Variants in PSMG1 observed in about 807,000 individuals in gnomAD.
PSMG1 encodes the protein proteasome assembly chaperone 1, also known as Down syndrome critical region gene 2.
PSMG1 carries 23 observed loss-of-function variants against 37.2 expected under a neutral mutation model. The observed-to-expected ratio is 0.62, with a 90% CI of 0.44 to 0.88. The LOEUF (loss-of-function observed/expected upper bound fraction) is 0.88, where lower values mean the gene tolerates loss of function less well. PSMG1 is among the 40% of genes least tolerant of loss of function. The pLI is 0.00. For synonymous variants in PSMG1, 127 were observed against 128.0 expected, an observed-to-expected ratio of 0.99 and a Z score of 0.05; for missense variants, 340 against 344.2, an observed-to-expected ratio of 0.99 and a Z score of 0.10.
chr21:39,179,884 C>G, intron 4 of PSMG1, 40 bp downstream of exon 4: 1 of 1,586,686 alleles, frequency 6.3e-7, no homozygotes, highest in Non-Finnish European at 8.6e-7. Flanking sequence ...ATGAAAACTC[C>G]TGTAGACTAA....
In PSMG1 at chr21:39,181,815, A is replaced by C. The variant is rs1344877314; in HGVS notation, c.198T>G (p.Tyr66Ter). 6.3e-7 allele frequency: 1 copy of C among 1,596,006 alleles called. No individual in the cohort carries two copies. Among genetic ancestry groups the C allele is most frequent in the Non-Finnish European group, 8.5e-7 (1 of 1,174,086 alleles). ...TSLEVSLLEK[Y>*]PCSKFIIAIG... Reference sequence around the variant, plus strand: ...TAGCAATTATAAACTTGGAGCACGGATATTTTTCTAGCAAAGAAACTTCCA... The same window carrying C: ...TAGCAATTATAAACTTGGAGCACGGCTATTTTTCTAGCAAAGAAACTTCCA... Residue 66 changes from tyrosine to a stop codon, truncating the protein, a stop_gained, in exon 2 of 7, where the codon TAT becomes TAG. Transcript: ENST00000331573. LOFTEE classifies it high-confidence loss of function.
Position 39,175,619 on chromosome 21 carries a change from T to C in PSMG1, c.838A>G (p.Asn280Asp), listed in dbSNP as rs2030599191. The C allele has an allele frequency of 6.3e-7, 1 of 1,594,676 alleles. No homozygotes were observed. Among genetic ancestry groups the C allele is most frequent in the Non-Finnish European group, 8.6e-7 (1 of 1,162,522 alleles). Reference sequence around the variant, plus strand: ...GTATAAATGTTACTCTGAATCTCATTTGTTGTCATCAATTTCTTTAGTATC... The same window carrying C: ...GTATAAATGTTACTCTGAATCTCATCTGTTGTCATCAATTTCTTTAGTATC... ...TEILKKLMTT[N>D]EIQSNIYT Residue 280 changes from asparagine to aspartate, a missense_variant, in exon 7 of 7, where the codon AAT becomes GAT. By Grantham distance (23) the Asn-to-Asp change is conservative (BLOSUM62 1). Transcript: ENST00000331573.
intron 3 of PSMG1, 134 bp downstream of exon 3, chr21:39,180,151 C>A: frequency 7.9e-7 from 1 of 1,261,704 alleles, no homozygotes; most frequent in South Asian, 1.5e-5. Context: ...CAAACCACTA[C>A]TGGTGATTAG....
intron 1 of PSMG1, chr21:39,183,049 G>C (rs768072423): frequency 1.0e-4 from 61 of 598,966 alleles, no homozygotes; most frequent in Non-Finnish European, 1.4e-4. Flanking sequence ...AGATCCACGC[G>C]AGAACCACAC....
In PSMG1 at chr21:39,181,841, A is replaced by G; in HGVS notation, c.172T>C (p.Leu58=). ...RLLRRQTKTS[L]EVSLLEKYPC... is the part of the protein sequence containing the mutation. ...TATTTTTCTAGCAAAGAAACTTCCA[A>G]AGATGTTTTTGTTTGTCTTCGAAGG... The change falls in exon 2 of 7, where the codon TTG becomes CTG. Residue 58 remains leucine, a synonymous_variant. Coordinates refer to ENST00000331573, the MANE Select transcript of PSMG1 (RefSeq NM_003720.4). 4.4e-6 allele frequency: 7 copies of G among 1,594,332 alleles called. No individual in the cohort carries two copies. Among genetic ancestry groups the G allele is most frequent in the Non-Finnish European group, 6.0e-6 (7 of 1,173,242 alleles).
At position 39,175,165 on chromosome 21, in the gene PSMG1, C is replaced by T. The variant is rs1355344954; in HGVS notation, c.*425G>A. 1 of 152,426 alleles carries T rather than the reference C, an allele frequency of 6.6e-6. No individual in the cohort carries two copies. The highest frequency in any genetic ancestry group is 2.4e-5 in the African/African-American group (1 of 41,406). The allele number at this position is 152,426 out of a possible 1,614,324, so 9.4% of individuals were successfully genotyped here. A position where few individuals can be genotyped will look rare whatever the true frequency, so the allele number is the denominator to read the frequency against. ...TGAAAAATTTAACTAAAGTTGGGCA[C>T]AGTGGCTCACACCTGTAATCCCAGC... On this transcript the variant is annotated 3_prime_UTR_variant, in exon 7 of 7. Transcript: ENST00000331573.
At position 39,177,595 on chromosome 21, in the gene PSMG1, AC is replaced by A. The variant is rs751720595; in HGVS notation, c.656-25del. On this transcript the variant is annotated intron_variant, in intron 5 of 6. Transcript: ENST00000331573. ...AACTATGAATACACAAGAAAAAAAA[AC>A]GATGTAAGTTTTCTATTATGTTACT... 5.8e-5 allele frequency: 86 copies of A among 1,487,198 alleles called. No homozygotes were observed. In the Middle Eastern group the frequency reaches 2.7e-3, roughly 47 times the overall value. The allele number at this position is 1,487,198 out of a possible 1,614,324, so 92.1% of individuals were successfully genotyped here.
chr21:39,177,200 G>A (rs963987354), intron 6 of PSMG1, among the ~76,000 whole-genome samples: 1 of 152,188 alleles, frequency 6.6e-6, no homozygotes. Context: ...AGACATTTGG[G>A]ATTTAATTGC....
rs750808884 is a variant in PSMG1 at position 39,183,435 on chromosome 21, G to A, written c.-50C>T. 7.9e-6 allele frequency: 12 copies of A among 1,520,948 alleles called. No homozygotes were observed. The highest frequency in any genetic ancestry group is 3.9e-5 in the Admixed American group (2 of 50,974). The allele number at this position is 1,520,948 out of a possible 1,614,324, so 94.2% of individuals were successfully genotyped here. A position where few individuals can be genotyped will look rare whatever the true frequency, so the allele number is the denominator to read the frequency against. On this transcript the variant is annotated 5_prime_UTR_variant, in exon 1 of 7. Transcript: ENST00000331573. ...CAACTGCAGCGCCGCGGGACCGCAC[G>A]CCGGCTTGCGCGAGACCACGCTCCC...
rs1258190748 is a variant in PSMG1, at chr21:39,178,601, G to T, written c.503C>A (p.Thr168Lys). ...TTTATAATCGGTAACATGTCGACAT[G>T]TGAGAATAGTTATCTGCATGTTCTT... ...PRKNMQITIL[T>K]CRHVTDYKTS... is the part of the protein sequence containing the mutation. Residue 168 changes from threonine to lysine, a missense_variant, in exon 5 of 7, where the codon ACA becomes AAA. Physicochemically the swap from Thr to Lys is moderately conservative, Grantham distance 78. Transcript: ENST00000331573. The T allele has an allele frequency of 6.2e-7, 1 of 1,614,020 alleles. No homozygotes were observed. Among genetic ancestry groups the T allele is most frequent in the Non-Finnish European group, 8.5e-7 (1 of 1,180,028 alleles).
intron 1 of PSMG1, 78 bp downstream of exon 1, chr21:39,183,174 C>T (rs867810376): frequency 8.4e-6 from 12 of 1,429,216 alleles, no homozygotes; most frequent in South Asian, 1.4e-5. Flanking sequence ...GAGCCCCGGC[C>T]TTAGGCGCCG....
chr21:39,179,139 G>A lies in PSMG1; in HGVS notation c.457-492C>T, dbSNP rs2030732519. ...CTGCTCCCCCTTCACCTTCCACCAT[G>A]ATTGGAGGCTCCTGAGGCCTCAGCA... On this transcript the variant is annotated intron_variant, in intron 4 of 6. Coordinates refer to ENST00000331573, the MANE Select transcript of PSMG1 (RefSeq NM_003720.4). 3.9e-5 allele frequency among the ~76,000 whole-genome samples: 6 copies of A among 152,190 alleles called. No homozygotes were observed. In the South Asian group the frequency reaches 1.2e-3, roughly 32 times the overall value.
intron 1 of PSMG1, 83 bp downstream of exon 1, chr21:39,183,169 C>A: frequency 7.1e-7 from 1 of 1,413,388 alleles, no homozygotes; most frequent in Non-Finnish European, 9.2e-7. Flanking sequence ...CCGCGGAGCC[C>A]CGGCCTTAGG....
chr21:39,182,459 T>C (rs1354593849), intron 1 of PSMG1, among the ~76,000 whole-genome samples: 2 of 152,224 alleles, frequency 1.3e-5, no homozygotes, highest in African/African-American at 2.4e-5. Flanking sequence ...TAAAATGTCA[T>C]GTTTGAAAAA....
Position 39,180,337 on chromosome 21 carries a change from A to C in PSMG1, c.341T>G (p.Leu114Arg). 6.2e-7 allele frequency: 1 copy of C among 1,612,798 alleles called. No homozygotes were observed. ...EWCRTTDTTH[L>R]SSTEAFCVFY... Reference sequence around the variant, plus strand: ...CACACAAAAAGCCTCTGTGGAGGACAGATGTGTAGTGTCTGTTGTTCTACA... The same window carrying C: ...CACACAAAAAGCCTCTGTGGAGGACCGATGTGTAGTGTCTGTTGTTCTACA... Residue 114 changes from leucine (L) to arginine (R), a missense_variant, in exon 3 of 7, where the codon CTG becomes CGG. Leu to Arg is a moderately radical substitution (Grantham distance 102). Coordinates refer to ENST00000331573, the MANE Select transcript of PSMG1 (RefSeq NM_003720.4).
At chr21:39,177,993 T>C (rs537856427) in intron 5 of PSMG1, among the ~76,000 whole-genome samples, 2 of 152,252 alleles carry the variant, frequency 1.3e-5, no homozygotes, top group South Asian at 4.1e-4. Flanking sequence ...TAAATAACAA[T>C]TATGTAATAT....
Position 39,178,614 on chromosome 21 carries a change from T to A in PSMG1, c.490A>T (p.Ile164Leu), listed in dbSNP as rs770931237. Residue 164 changes from isoleucine (I) to leucine (L), a missense_variant, in exon 5 of 7, where the codon ATA becomes TTA. Physicochemically the swap from Ile to Leu is conservative, Grantham distance 5 (BLOSUM62 2). Coordinates refer to ENST00000331573, the MANE Select transcript of PSMG1 (RefSeq NM_003720.4). ...FGSCPRKNMQITILTCRHVTD... is the reference protein window; with the variant it reads ...FGSCPRKNMQLTILTCRHVTD... ...ACATGTCGACATGTGAGAATAGTTA[T>A]CTGCATGTTCTTCCTTGGACAAGAG... The A allele has an allele frequency of 1.1e-5, 17 of 1,614,018 alleles. No homozygotes were observed. In the Admixed American group the frequency reaches 2.3e-4, roughly 22 times the overall value.
chr21:39,178,003 T>C (rs558082149), intron 5 of PSMG1, among the ~76,000 whole-genome samples: 13 of 152,322 alleles, frequency 8.5e-5, no homozygotes, highest in African/African-American at 2.6e-4. Flanking sequence ...TTATGTAATA[T>C]ATTACCCACT....
chr21:39,176,180 G>T (rs1024041442), intron 6 of PSMG1, among the ~76,000 whole-genome samples: 1 of 152,164 alleles, frequency 6.6e-6, no homozygotes, highest in Non-Finnish European at 1.5e-5. Context: ...TAAGAAAACA[G>T]CACCCTGCAG....
Sources: gnomAD v4.1 joint callset for allele counts (sites outside exome capture counted in the v4.1 genomes callset) on GRCh38, gnomAD v4.1.1 for gene constraint, MANE v1.5 for transcripts, NCBI Gene and HGNC (gene_info 2026-07-23, HGNC 2026-07-21) for gene names.